The following MAML2 variants were observed in gnomAD, a reference collection of about 807,000 sequenced individuals.
The protein encoded by MAML2 is mastermind-like protein 2.
In MAML2, 22 loss-of-function variants were observed where a neutral mutation model predicts 96.1. The ratio of observed to expected loss-of-function variants is 0.23; its 90% CI spans 0.16 to 0.33. MAML2 has a LOEUF of 0.33. MAML2 is among the 10% of genes least tolerant of loss of function. MAML2 has a pLI of 1.00. For synonymous variants in MAML2, 561 were observed against 521.3 expected, an observed-to-expected ratio of 1.08 and a Z score of -1.04; for missense variants, 1,367 against 1,392.4, an observed-to-expected ratio of 0.98 and a Z score of 0.29.
At chr11:96,296,584 A>G (rs1295075996) in intron 1 of MAML2, among the ~76,000 whole-genome samples, 1 of 152,190 alleles carries the variant, frequency 6.6e-6, no homozygotes, top group Non-Finnish European at 1.5e-5. Context: ...TGGAGATCGC[A>G]GTGAGCTGAG....
At chr11:96,258,189 GA>G (rs2135971379) in intron 1 of MAML2, among the ~76,000 whole-genome samples, 1 of 152,234 alleles carries the variant, frequency 6.6e-6, no homozygotes, top group East Asian at 1.9e-4. Context: ...CATATTTACT[GA>G]AAGTGAAACT....
Position 96,092,668 on chromosome 11 carries a change from G to C in MAML2, c.1363C>G (p.Gln455Glu). 1.2e-6 allele frequency: 2 copies of C among 1,613,220 alleles called. No homozygotes were observed. Among genetic ancestry groups the C allele is most frequent in the Non-Finnish European group, 1.7e-6 (2 of 1,179,270 alleles). The change falls in exon 2 of 5, where the codon CAG becomes GAG. Residue 455 changes from glutamine to glutamate, a missense_variant. By Grantham distance (29) the Gln-to-Glu change is conservative. Coordinates refer to ENST00000524717, the MANE Select transcript of MAML2 (RefSeq NM_032427.4). The surrounding 1 kb of genome is among the most constrained non-coding windows in gnomAD (Gnocchi z 4.1). The stretch of plus-strand genomic sequence containing the variant: ...GCTGACCAGTTGGTAGGCTGGTGCT[G>C]CTGCTGGTGCTGCTGCATCCGGGCA... ...QHARMQQHQQ[Q>E]HQPTNWSALP... is the part of the protein sequence containing the mutation.
At chr11:96,104,333 GA>G (rs1250644087) in intron 1 of MAML2, among the ~76,000 whole-genome samples, 1 of 152,184 alleles carries the variant, frequency 6.6e-6, no homozygotes, top group African/African-American at 2.4e-5. Flanking sequence ...TCGAGATGCC[GA>G]AGTACTTTCC....
At chr11:96,126,863 C>T (rs1405508818) in intron 1 of MAML2, among the ~76,000 whole-genome samples, 1 of 152,118 alleles carries the variant, frequency 6.6e-6, no homozygotes, top group East Asian at 1.9e-4. Flanking sequence ...CACAAAAAAA[C>T]ATGGAGAACT....
At chr11:96,311,923 T>C (rs1863547090) in intron 1 of MAML2, among the ~76,000 whole-genome samples, 1 of 152,166 alleles carries the variant, frequency 6.6e-6, no homozygotes, top group Non-Finnish European at 1.5e-5. Context: ...CTATAGCCAC[T>C]GATAAAGATC....
At chr11:96,296,419 C>A (rs113791833) in intron 1 of MAML2, among the ~76,000 whole-genome samples, 30 of 152,132 alleles carry the variant, frequency 2.0e-4, no homozygotes, top group African/African-American at 7.2e-4. Context: ...CAGAGGCGAG[C>A]GGATCCGAGG....
chr11:96,056,832 G>C (rs1859078038), intron 2 of MAML2, among the ~76,000 whole-genome samples: 1 of 152,152 alleles, frequency 6.6e-6, no homozygotes, highest in Non-Finnish European at 1.5e-5. Flanking sequence ...ACGTGTGGGA[G>C]GCACAAATCT....
chr11:96,240,557 C>CAACAAAAAAAAAAAAAAAAAAAAAAAAA lies in MAML2; in HGVS notation c.513+100825_513+100826insTTTTTTTTTTTTTTTTTTTTTTTTTGTT, dbSNP rs568304250. Among the ~76,000 whole-genome samples, 96 of 51,096 alleles carry CAACAAAAAAAAAAAAAAAAAAAAAAAAA rather than the reference C, an allele frequency of 1.9e-3. 22 individuals carry two copies. Among genetic ancestry groups the CAACAAAAAAAAAAAAAAAAAAAAAAAAA allele is most frequent in the Middle Eastern group, 0.053 (2 of 38 alleles). 33.5% of individuals were successfully genotyped at this position (51,096 alleles called of 152,430 possible). A position where few individuals can be genotyped will look rare whatever the true frequency, so the allele number is the denominator to read the frequency against. The stretch of plus-strand genomic sequence containing the variant: ...TGGGCGACAGAGCGAGACTCCGTCT[C>CAACAAAAAAAAAAAAAAAAAAAAAAAAA]AAAAAAAAAAAAAAAAAAAAAAAAA... On this transcript the variant is annotated intron_variant, in intron 1 of 4. Coordinates refer to ENST00000524717, the MANE Select transcript of MAML2 (RefSeq NM_032427.4).
rs151188915 is a variant in MAML2, at chr11:96,291,051, T to C, written c.513+50332A>G. ...TGAAAAAAAGTTGGTAAATAAAGACTTGAAAAATAGAATTAAAGGATTTTC... is the reference window on the plus strand; with the variant it reads ...TGAAAAAAAGTTGGTAAATAAAGACCTGAAAAATAGAATTAAAGGATTTTC... On this transcript the variant is annotated intron_variant, in intron 1 of 4. Transcript: ENST00000524717. 9.9e-5 allele frequency among the ~76,000 whole-genome samples: 15 copies of C among 151,702 alleles called. No homozygotes were observed. The East Asian group carries it at 2.7e-3, about 27-fold the overall frequency.
At chr11:96,149,381 C>A (rs1164663536) in intron 1 of MAML2, among the ~76,000 whole-genome samples, 1 of 137,850 alleles carries the variant, frequency 7.3e-6, no homozygotes, top group Non-Finnish European at 1.5e-5. Flanking sequence ...CACGTCACTG[C>A]ACTCCAGCCT....
At chr11:96,268,731 C>T (rs1215527401) in intron 1 of MAML2, among the ~76,000 whole-genome samples, 3 of 152,032 alleles carry the variant, frequency 2.0e-5, no homozygotes, top group African/African-American at 4.8e-5. Context: ...ATAAGTCTCA[C>T]GAGATCTGAT....
intron 1 of MAML2, among the ~76,000 whole-genome samples, chr11:96,229,073 G>A (rs567646721): frequency 2.8e-4 from 43 of 151,874 alleles, no homozygotes; most frequent in African/African-American, 9.9e-4. Context: ...TTGAAACAAA[G>A]AAAAAGAAAG....
At chr11:96,006,451 G>A (rs912260334) in intron 2 of MAML2, among the ~76,000 whole-genome samples, 2 of 151,928 alleles carry the variant, frequency 1.3e-5, no homozygotes, top group African/African-American at 4.8e-5. Flanking sequence ...TCAAATAAGC[G>A]GTACAACTAC....
intron 2 of MAML2, among the ~76,000 whole-genome samples, chr11:96,028,492 CTTAA>C (rs1858560353): frequency 6.6e-6 from 1 of 152,188 alleles, no homozygotes. Flanking sequence ...TCCCCATTTA[CTTAA>C]TTATCTGTCA....
chr11:96,021,584 T>C (rs1858435764), intron 2 of MAML2, among the ~76,000 whole-genome samples: 1 of 152,168 alleles, frequency 6.6e-6, no homozygotes, highest in African/African-American at 2.4e-5. Flanking sequence ...TGGCTAAGAA[T>C]TTATTTGTTA....
intron 1 of MAML2, among the ~76,000 whole-genome samples, chr11:96,194,143 G>A (rs926042824): frequency 6.6e-6 from 1 of 152,230 alleles, no homozygotes; most frequent in African/African-American, 2.4e-5. Flanking sequence ...GAAAGGCCGA[G>A]ACTCTAATAG....
intron 1 of MAML2, among the ~76,000 whole-genome samples, chr11:96,326,018 A>C (rs530201952): frequency 6.6e-6 from 1 of 152,222 alleles, no homozygotes; most frequent in Admixed American, 6.5e-5. Flanking sequence ...CATATGAAGT[A>C]AGGAACAAAG....
chr11:96,033,297 C>T (rs1023263791), intron 2 of MAML2, among the ~76,000 whole-genome samples: 1 of 152,162 alleles, frequency 6.6e-6, no homozygotes, highest in African/African-American at 2.4e-5. Flanking sequence ...ACTTTTGCAA[C>T]ATTTATCATG....
chr11:96,149,918 T>C (rs753285786), intron 1 of MAML2, among the ~76,000 whole-genome samples: 1 of 152,128 alleles, frequency 6.6e-6, no homozygotes, highest in Non-Finnish European at 1.5e-5. Context: ...CTGTCTTTAT[T>C]TGATCCACCG....
Sources: gnomAD v4.1 joint callset for allele counts (sites outside exome capture counted in the v4.1 genomes callset) on GRCh38, gnomAD v4.1.1 for gene constraint, Gnocchi (gnomAD v3.1) non-coding constraint, MANE v1.5 for transcripts, NCBI Gene and HGNC (gene_info 2026-07-23, HGNC 2026-07-21) for gene names.